PHTF1: variants seen among roughly 807,000 people sequenced by gnomAD.
PHTF1 encodes the protein protein PHTF1.
In PHTF1, 88 loss-of-function variants were observed where a neutral mutation model predicts 102.4. The observed-to-expected ratio is 0.86, with a 90% CI of 0.72 to 1.03. The LOEUF is 1.03. Ranked by LOEUF, PHTF1 falls within the 50% of genes least tolerant of loss-of-function variation. PHTF1 has a pLI of 0.00. For missense variants in PHTF1, 814 were observed against 909.5 expected (o/e 0.89, Z 1.35); for synonymous variants, 289 against 305.2 (o/e 0.95, Z 0.55).
At chr1:113,745,983 G>T (rs1006506192) in intron 3 of PHTF1, among the ~76,000 whole-genome samples, 7 of 152,126 alleles carry the variant, frequency 4.6e-5, no homozygotes, top group African/African-American at 1.7e-4. Context: ...CATGAAACTG[G>T]TCTCTGGTGC....
At chr1:113,704,315 G>A (rs912281796) in intron 14 of PHTF1, 148 bp from the exon 15 acceptor site, 11 of 524,110 alleles carry the variant, frequency 2.1e-5, no homozygotes, top group Admixed American at 1.1e-4. Flanking sequence ...TATTTTGGAC[G>A]TCATCAACTT....
At chr1:113,747,781 C>A (rs1657457730) in intron 3 of PHTF1, among the ~76,000 whole-genome samples, 1 of 152,202 alleles carries the variant, frequency 6.6e-6, no homozygotes, top group Non-Finnish European at 1.5e-5. Flanking sequence ...TCACCTTCCA[C>A]TGAACATTCC....
At chr1:113,705,681 A>G (rs1650023665) in intron 13 of PHTF1, 2 of 525,678 alleles carry the variant, frequency 3.8e-6, no homozygotes, top group South Asian at 2.7e-5. Flanking sequence ...TATTCTACAC[A>G]TGAGGCCTGG....
intron 10 of PHTF1, 35 bp downstream of exon 10, chr1:113,711,711 A>T: frequency 2.0e-6 from 3 of 1,523,912 alleles, no homozygotes; most frequent in Non-Finnish European, 2.7e-6. Flanking sequence ...ATTACCCTCA[A>T]AAATATACCT....
intron 6 of PHTF1, chr1:113,725,450 T>C (rs570240401): frequency 6.6e-6 from 1 of 152,336 alleles, no homozygotes; most frequent in African/African-American, 2.4e-5. Flanking sequence ...AATAAGAATA[T>C]GTTGAAATTC....
At chr1:113,730,550 G>T (rs965301500) in intron 5 of PHTF1, among the ~76,000 whole-genome samples, 1 of 152,120 alleles carries the variant, frequency 6.6e-6, no homozygotes, top group Non-Finnish European at 1.5e-5. Flanking sequence ...CCATATGGTT[G>T]TATCATTATA....
rs370638519 is a variant in PHTF1, at chr1:113,712,147, C to T, written c.784-34G>A. On this transcript the variant is annotated intron_variant, in intron 8 of 18. Transcript: ENST00000369604. ...AGAACAGCAATACCTTCACAGGGGA[C>T]AGCCCAAAATATTCTAATAAGCTGC... 8 of 1,563,982 alleles carry T rather than the reference C, an allele frequency of 5.1e-6. No individual in the cohort carries two copies. In the African/African-American group the frequency reaches 8.2e-5, roughly 16 times the overall value.
chr1:113,753,079 ATTACT>A (rs547769513), intron 3 of PHTF1, among the ~76,000 whole-genome samples: 4 of 152,348 alleles, frequency 2.6e-5, no homozygotes, highest in South Asian at 4.1e-4. Flanking sequence ...GGCATATTAC[ATTACT>A]TTGTTTTCAA....
chr1:113,758,935 C>G (rs1286524372), intron 1 of PHTF1, 88 bp downstream of exon 1: 4 of 1,033,476 alleles, frequency 3.9e-6, no homozygotes, highest in East Asian at 2.0e-4. Flanking sequence ...ATCGGGCGAG[C>G]GTGTTCGTGG....
At chr1:113,732,882 T>C (rs1211673753) in intron 5 of PHTF1, among the ~76,000 whole-genome samples, 3 of 152,044 alleles carry the variant, frequency 2.0e-5, no homozygotes, top group Non-Finnish European at 2.9e-5. Context: ...TCAAATTAGG[T>C]AACAATCTTT....
At chr1:113,720,941 A>AG (rs1230697514) in intron 7 of PHTF1, among the ~76,000 whole-genome samples, 3 of 152,212 alleles carry the variant, frequency 2.0e-5, no homozygotes. Flanking sequence ...CTACAAAAAA[A>AG]TACAAAAAAT....
At chr1:113,737,654 C>A (rs1655699241) in intron 5 of PHTF1, among the ~76,000 whole-genome samples, 1 of 152,112 alleles carries the variant, frequency 6.6e-6, no homozygotes. Context: ...CAAAAATTAG[C>A]CAGGCACAGT....
chr1:113,743,754 G>A (rs372737570), intron 3 of PHTF1, among the ~76,000 whole-genome samples: 4 of 152,080 alleles, frequency 2.6e-5, no homozygotes, highest in South Asian at 2.1e-4. Context: ...GACCATTGTC[G>A]TATATGAGGT....
At chr1:113,731,912 A>G (rs1304691203) in intron 5 of PHTF1, among the ~76,000 whole-genome samples, 3 of 151,640 alleles carry the variant, frequency 2.0e-5, no homozygotes, top group Non-Finnish European at 4.4e-5. Context: ...TAAAAAAAAA[A>G]AAAAAAAAAA....
intron 3 of PHTF1, chr1:113,746,931 T>C (rs1442247199): frequency 3.2e-6 from 1 of 314,808 alleles, no homozygotes; most frequent in East Asian, 1.7e-4. Flanking sequence ...CTTTCATCAA[T>C]TTCAGATGTT....
intron 3 of PHTF1, among the ~76,000 whole-genome samples, chr1:113,739,290 A>G (rs2101607898): frequency 6.6e-6 from 1 of 152,242 alleles, no homozygotes; most frequent in East Asian, 1.9e-4. Flanking sequence ...TTAGTTTTTA[A>G]TCCTCTCCAC....
chr1:113,709,129 A>AGGAGGCTGAGGTG (rs1475236234), intron 11 of PHTF1, among the ~76,000 whole-genome samples: 2 of 152,050 alleles, frequency 1.3e-5, no homozygotes, highest in African/African-American at 4.8e-5. Flanking sequence ...GTGGCTAATC[A>AGGAGGCTGAGGTG]GGAGGCTGAG....
chr1:113,738,778 T>A lies in PHTF1; in HGVS notation c.124A>T (p.Lys42Ter), dbSNP rs1316617216. ...AAGTCTGGCTTTATGTGGCCCATCT[T>A]TTTCGGTTTGTTTTTCAAACCCTAG... ...QIKGLKNKPK[K>*]MGHIKPDLID... Residue 42 changes from lysine to a stop codon, truncating the protein, a stop_gained, in exon 4 of 19, where the codon AAG becomes TAG. Coordinates refer to ENST00000369604, the MANE Select transcript of PHTF1 (RefSeq NM_001323043.2). LOFTEE classifies it high-confidence loss of function. 1.2e-6 allele frequency: 2 copies of A among 1,604,646 alleles called. No individual in the cohort carries two copies. Among genetic ancestry groups the A allele is most frequent in the Admixed American group, 1.7e-5 (1 of 59,028 alleles).
chr1:113,710,193 G>A lies in PHTF1; in HGVS notation c.1269+61C>T, dbSNP rs1243926982. On this transcript the variant is annotated intron_variant, in intron 11 of 18. Transcript: ENST00000369604. ...TTGTAAAGTTAAATGAGATGACAGA[G>A]TGCCTGACACACAGTAAGAACACAA... The A allele has an allele frequency of 4.2e-6, 5 of 1,183,300 alleles. No homozygotes were observed. The African/African-American group carries it at 7.5e-5, about 18-fold the overall frequency. The allele number at this position is 1,183,300 out of a possible 1,614,324, so 73.3% of individuals were successfully genotyped here.
Sources: allele counts gnomAD v4.1 joint callset (sites outside exome capture counted in the v4.1 genomes callset), GRCh38; gene constraint gnomAD v4.1.1; transcripts MANE v1.5; gene names NCBI Gene and HGNC (gene_info 2026-07-23, HGNC 2026-07-21).